L3MBTL4: variants seen among roughly 807,000 people sequenced by gnomAD.
L3MBTL4 encodes L3MBTL histone methyl-lysine binding protein 4.
A neutral mutation model predicts 84.5 loss-of-function variants in L3MBTL4; 70 were observed. The observed-to-expected ratio is 0.83, with a 90% CI of 0.68 to 1.01. The LOEUF (loss-of-function observed/expected upper bound fraction) is 1.01. Among genes scored for constraint, L3MBTL4 ranks in the 50% least tolerant of loss-of-function variants. The pLI is 0.00. For synonymous variants in L3MBTL4, 274 were observed against 259.8 expected, an observed-to-expected ratio of 1.05 and a Z score of -0.52; for missense variants, 715 against 754.8, an observed-to-expected ratio of 0.95 and a Z score of 0.62.
intron 4 of L3MBTL4, among the ~76,000 whole-genome samples, chr18:6,268,176 C>A (rs1320316629): frequency 6.6e-6 from 1 of 152,068 alleles, no homozygotes; most frequent in Non-Finnish European, 1.5e-5. Context: ...GAGGCCAAGG[C>A]GGTTGAATCA....
intron 16 of L3MBTL4, chr18:6,030,861 T>C (rs1411538599): frequency 1.0e-6 from 1 of 985,004 alleles, no homozygotes; most frequent in African/African-American, 1.7e-5. Context: ...ATACTGAAAC[T>C]GCACTGTAGG....
intron 16 of L3MBTL4, among the ~76,000 whole-genome samples, chr18:5,976,302 G>A (rs990661454): frequency 6.6e-6 from 1 of 152,230 alleles, no homozygotes; most frequent in Non-Finnish European, 1.5e-5. Flanking sequence ...AATAGAATAT[G>A]TCGTCAAAAC....
chr18:6,081,979 T>C (rs1005583359), intron 15 of L3MBTL4, among the ~76,000 whole-genome samples: 1 of 152,176 alleles, frequency 6.6e-6, no homozygotes, highest in Non-Finnish European at 1.5e-5. Context: ...CTGTGGAGCA[T>C]ACTAACCACA....
chr18:6,313,662 C>T (rs1001493555), intron 1 of L3MBTL4, among the ~76,000 whole-genome samples: 16 of 152,254 alleles, frequency 1.1e-4, no homozygotes, highest in African/African-American at 3.1e-4. Flanking sequence ...CTGACTTTCA[C>T]GACAAATAAT....
chr18:6,230,135 T>C (rs548550755), intron 10 of L3MBTL4, among the ~76,000 whole-genome samples: 1 of 152,222 alleles, frequency 6.6e-6, no homozygotes, highest in South Asian at 2.1e-4. Context: ...ACAGGTAAAT[T>C]ACATGTCACA....
At chr18:6,387,699 TTCATAATGTGTAAG>T (rs1354735884) in intron 1 of L3MBTL4, among the ~76,000 whole-genome samples, 2 of 152,192 alleles carry the variant, frequency 1.3e-5, no homozygotes, top group African/African-American at 4.8e-5. Context: ...GTTAGCATCT[TTCATAATGTGTAAG>T]AGCAGCCAAG....
At chr18:6,190,430 T>C (rs2045019408) in intron 12 of L3MBTL4, among the ~76,000 whole-genome samples, 2 of 152,206 alleles carry the variant, frequency 1.3e-5, no homozygotes, top group Admixed American at 6.5e-5. Flanking sequence ...ATACGTAAAT[T>C]ATCCCTTCCT....
intron 4 of L3MBTL4, among the ~76,000 whole-genome samples, chr18:6,274,772 C>T (rs569166153): frequency 4.6e-5 from 7 of 152,200 alleles, no homozygotes; most frequent in African/African-American, 1.7e-4. Flanking sequence ...GAGATCATGG[C>T]GCACGCAGGC....
chr18:6,318,592 T>C (rs1056658108), intron 1 of L3MBTL4, among the ~76,000 whole-genome samples: 7 of 149,478 alleles, frequency 4.7e-5, no homozygotes, highest in Middle Eastern at 3.4e-3. Context: ...AATCCTAAAT[T>C]TACATGCCCC....
chr18:6,300,966 G>A (rs911662543), intron 4 of L3MBTL4, among the ~76,000 whole-genome samples: 2 of 151,858 alleles, frequency 1.3e-5, no homozygotes, highest in African/African-American at 4.8e-5. Flanking sequence ...CTGGGGAGGC[G>A]GCAAGAGAAG....
At chr18:6,134,150 A>G (rs2059958254) in intron 14 of L3MBTL4, among the ~76,000 whole-genome samples, 1 of 152,144 alleles carries the variant, frequency 6.6e-6, no homozygotes, top group African/African-American at 2.4e-5. Context: ...ACCAAAGCAG[A>G]AACCCCTGAT....
At chr18:6,049,776 T>C (rs948295) in intron 16 of L3MBTL4, among the ~76,000 whole-genome samples, 71,794 of 152,020 alleles carry the variant, frequency 0.47, 17,509 homozygotes, top group East Asian at 0.63. Flanking sequence ...TTATGTTCAG[T>C]ACTTGGGTGA....
intron 16 of L3MBTL4, among the ~76,000 whole-genome samples, chr18:5,997,150 G>A (rs761988849): frequency 2.7e-5 from 4 of 150,652 alleles, no homozygotes; most frequent in African/African-American, 5.0e-5. Context: ...TTGCATTTAC[G>A]CTGTGTTAGG....
intron 15 of L3MBTL4, among the ~76,000 whole-genome samples, chr18:6,088,241 G>A (rs1270759842): frequency 6.6e-6 from 1 of 152,188 alleles, no homozygotes; most frequent in Admixed American, 6.5e-5. Flanking sequence ...GATAGGACTG[G>A]ACTGGACTTA....
intron 4 of L3MBTL4, among the ~76,000 whole-genome samples, chr18:6,273,646 CAAGTGGCTGAGAGGCT>C (rs2048965213): frequency 6.6e-6 from 1 of 152,180 alleles, no homozygotes; most frequent in African/African-American, 2.4e-5. Context: ...AGGAGATGGC[CAAGTGGCTGAGAGGCT>C]CTAAGCCATG....
chr18:6,224,041 A>G (rs892521794), intron 10 of L3MBTL4, among the ~76,000 whole-genome samples: 1 of 152,222 alleles, frequency 6.6e-6, no homozygotes, highest in South Asian at 2.1e-4. Context: ...TGGAAGGAGA[A>G]ACCAAGGGGC....
In L3MBTL4 at chr18:6,168,836, C is replaced by T. The variant is rs149551850; in HGVS notation, c.1096+2992G>A. Among the ~76,000 whole-genome samples, 206 of 152,162 alleles carry T rather than the reference C, an allele frequency of 1.4e-3. 1 individual carries two copies. The highest frequency in any genetic ancestry group is 4.5e-3 in the African/African-American group (185 of 41,544). On this transcript the variant is annotated intron_variant, in intron 13 of 18. Coordinates refer to ENST00000317931, the MANE Select transcript of L3MBTL4 (RefSeq NM_001330559.2). ...GCCAAAATTGACAAATGGGATCTAACTAAACTAAAGAGCTTTCTGCACAGC... is the reference window on the plus strand; with the variant it reads ...GCCAAAATTGACAAATGGGATCTAATTAAACTAAAGAGCTTTCTGCACAGC...
chr18:6,406,223 C>T (rs575068952), intron 1 of L3MBTL4, among the ~76,000 whole-genome samples: 1 of 152,310 alleles, frequency 6.6e-6, no homozygotes, highest in South Asian at 2.1e-4. Context: ...TCTGCCATTA[C>T]TCAGATGGAT....
At chr18:5,999,833 T>G (rs1045886037) in intron 16 of L3MBTL4, among the ~76,000 whole-genome samples, 1 of 152,180 alleles carries the variant, frequency 6.6e-6, no homozygotes, top group African/African-American at 2.4e-5. Context: ...CTTGTACAAA[T>G]GGGGACAGGA....
Sources: gnomAD v4.1 joint callset for allele counts (sites outside exome capture counted in the v4.1 genomes callset) on GRCh38, gnomAD v4.1.1 for gene constraint, MANE v1.5 for transcripts, NCBI Gene and HGNC (gene_info 2026-07-23, HGNC 2026-07-21) for gene names.